The following BMP5 variants were observed in gnomAD, a reference collection of about 807,000 sequenced individuals.
The protein encoded by BMP5 is bone morphogenetic protein 5.
Under a neutral mutation model 46.6 loss-of-function variants are expected in BMP5, and 23 were observed. The observed-to-expected ratio is 0.49, with a 90% CI of 0.35 to 0.70. The LOEUF (loss-of-function observed/expected upper bound fraction) is 0.70. Ranked by LOEUF, BMP5 falls within the 30% of genes least tolerant of loss-of-function variation. The pLI is 0.00. For synonymous variants in BMP5, 204 were observed against 191.9 expected, an observed-to-expected ratio of 1.06 and a Z score of -0.52; for missense variants, 545 against 565.6, an observed-to-expected ratio of 0.96 and a Z score of 0.37.
At chr6:55,870,413 T>G (rs1312167740) in intron 1 of BMP5, among the ~76,000 whole-genome samples, 2 of 152,090 alleles carry the variant, frequency 1.3e-5, no homozygotes, top group Non-Finnish European at 2.9e-5. Context: ...AGTTAAAACT[T>G]TTACAGAATG....
At position 55,803,284 on chromosome 6, in the gene BMP5, G is replaced by A. The variant is rs555062444; in HGVS notation, c.684-8857C>T. On this transcript the variant is annotated intron_variant, in intron 2 of 6. Coordinates refer to ENST00000370830, the MANE Select transcript of BMP5 (RefSeq NM_021073.4). ...GCACTCCAGCCTATGTGACAAGAGC[G>A]AAGCTCTGCCTCAAACAAAACAAAA... 8.6e-5 allele frequency among the ~76,000 whole-genome samples: 13 copies of A among 151,712 alleles called. No individual in the cohort carries two copies. The South Asian group carries it at 1.3e-3, about 15-fold the overall frequency.
rs1396089139 is a variant in BMP5 at position 55,774,139 on chromosome 6, G to A, written c.937C>T (p.Arg313Ter). The A allele has an allele frequency of 4.3e-6, 7 of 1,613,032 alleles. No homozygotes were observed. Among genetic ancestry groups the A allele is most frequent in the African/African-American group, 1.3e-5 (1 of 74,900 alleles). ...CGTTTGTTGGCTGCTCTCACGGATC[G>A]AAGAAGTACCTCACTCGCCTTGAAG... The part of the protein sequence containing the change: ...AFFKASEVLL[R>*]SVRAANKRKN... The change falls in exon 4 of 7, where the codon CGA (arginine) becomes TGA (stop). Residue 313 changes from arginine (R) to a stop codon, truncating the protein, a stop_gained. Coordinates refer to ENST00000370830, the MANE Select transcript of BMP5 (RefSeq NM_021073.4). LOFTEE classifies it high-confidence loss of function.
At chr6:55,862,732 G>A (rs1364042898) in intron 1 of BMP5, among the ~76,000 whole-genome samples, 3 of 152,070 alleles carry the variant, frequency 2.0e-5, no homozygotes, top group African/African-American at 7.2e-5. Flanking sequence ...ATATTTCCTT[G>A]AAAGTCACTG....
chr6:55,817,294 T>C (rs546406855), intron 2 of BMP5, among the ~76,000 whole-genome samples: 1 of 152,332 alleles, frequency 6.6e-6, no homozygotes, highest in African/African-American at 2.4e-5. Flanking sequence ...TAAAGACACA[T>C]GCACATGTAT....
chr6:55,868,324 T>C (rs1016871769), intron 1 of BMP5, among the ~76,000 whole-genome samples: 5 of 152,166 alleles, frequency 3.3e-5, no homozygotes, highest in Admixed American at 2.0e-4. Context: ...ACAAACACAA[T>C]ATTGAAGACA....
At chr6:55,787,049 T>C (rs562480806) in intron 3 of BMP5, among the ~76,000 whole-genome samples, 1 of 151,486 alleles carries the variant, frequency 6.6e-6, no homozygotes, top group Non-Finnish European at 1.5e-5. Context: ...AAAAGAAAAA[T>C]ATCACCCTTG....
chr6:55,785,502 CATT>C (rs1234087762), intron 3 of BMP5, among the ~76,000 whole-genome samples: 1 of 151,760 alleles, frequency 6.6e-6, no homozygotes, highest in Non-Finnish European at 1.5e-5. Context: ...TGCTTTAAGA[CATT>C]ACGCGAGTTA....
At chr6:55,811,638 C>T (rs1199512254) in intron 2 of BMP5, among the ~76,000 whole-genome samples, 2 of 150,792 alleles carry the variant, frequency 1.3e-5, no homozygotes, top group African/African-American at 4.9e-5. Flanking sequence ...ACACCTCTGC[C>T]CTCTCTCTCT....
At chr6:55,841,622 G>T (rs1168977854) in intron 1 of BMP5, among the ~76,000 whole-genome samples, 1 of 152,066 alleles carries the variant, frequency 6.6e-6, no homozygotes, top group Non-Finnish European at 1.5e-5. Flanking sequence ...TTGTTTGTTT[G>T]TTTGTAGTCC....
intron 6 of BMP5, among the ~76,000 whole-genome samples, chr6:55,756,135 T>C (rs1196310335): frequency 6.6e-6 from 1 of 151,984 alleles, no homozygotes; most frequent in Non-Finnish European, 1.5e-5. Context: ...CAATAAATCA[T>C]ACATTTTAAG....
chr6:55,853,213 AAAAT>A, intron 1 of BMP5, among the ~76,000 whole-genome samples: 1 of 105,406 alleles, frequency 9.5e-6, no homozygotes, highest in Non-Finnish European at 2.1e-5. Flanking sequence ...AAAATAAAAT[AAAAT>A]AAGATAAAAT....
At chr6:55,812,400 C>A (rs983780398) in intron 2 of BMP5, among the ~76,000 whole-genome samples, 1 of 151,976 alleles carries the variant, frequency 6.6e-6, no homozygotes, top group African/African-American at 2.4e-5. Flanking sequence ...ATGGATCTAC[C>A]ATATTTTAAA....
Position 55,755,686 on chromosome 6 carries a change from G to A in BMP5, c.1216-4C>T. ...GGTCAGGAAACATCAGATGAACCTGGGAAAGAAAAAAGGTTTTGTTTTATT... is the reference window on the plus strand; with the variant it reads ...GGTCAGGAAACATCAGATGAACCTGAGAAAGAAAAAAGGTTTTGTTTTATT... On this transcript the variant is annotated splice_region_variant and splice_polypyrimidine_tract_variant and intron_variant, in intron 6 of 6. Transcript: ENST00000370830. 1.2e-6 allele frequency: 2 copies of A among 1,610,164 alleles called. No homozygotes were observed. The highest frequency in any genetic ancestry group is 1.7e-6 in the Non-Finnish European group (2 of 1,177,724).
At chr6:55,856,436 T>C (rs563770190) in intron 1 of BMP5, among the ~76,000 whole-genome samples, 1 of 152,320 alleles carries the variant, frequency 6.6e-6, no homozygotes, top group Non-Finnish European at 1.5e-5. Flanking sequence ...AGTTTAATGT[T>C]ATCAAAAAAT....
chr6:55,778,599 T>A (rs12192570), intron 3 of BMP5, among the ~76,000 whole-genome samples: 4,290 of 152,122 alleles, frequency 0.028, 87 homozygotes, highest in Middle Eastern at 0.072. Flanking sequence ...TGAAAAGTTT[T>A]TTAAGAAATA....
At chr6:55,850,401 G>T (rs62404980) in intron 1 of BMP5, among the ~76,000 whole-genome samples, 19 of 151,000 alleles carry the variant, frequency 1.3e-4, no homozygotes, top group South Asian at 1.3e-3. Flanking sequence ...TAGATCGATA[G>T]ATATAGATAG....
chr6:55,839,064 G>T (rs1265316013), intron 1 of BMP5, among the ~76,000 whole-genome samples: 1 of 151,822 alleles, frequency 6.6e-6, no homozygotes, highest in African/African-American at 2.4e-5. Flanking sequence ...CATGTTCTCA[G>T]GTCTATCAAT....
At chr6:55,809,387 G>T (rs886445567) in intron 2 of BMP5, among the ~76,000 whole-genome samples, 24 of 151,974 alleles carry the variant, frequency 1.6e-4, no homozygotes, top group Non-Finnish European at 3.1e-4. Flanking sequence ...TTTGGAAATA[G>T]AAATTTATTC....
chr6:55,776,793 C>T (rs1046409606), intron 3 of BMP5, among the ~76,000 whole-genome samples: 1 of 151,886 alleles, frequency 6.6e-6, no homozygotes, highest in Non-Finnish European at 1.5e-5. Context: ...ACAAGAAGTT[C>T]CAAGTTTCCT....
Sources: gnomAD v4.1 joint callset for allele counts (sites outside exome capture counted in the v4.1 genomes callset) on GRCh38, gnomAD v4.1.1 for gene constraint, MANE v1.5 for transcripts, NCBI Gene and HGNC (gene_info 2026-07-23, HGNC 2026-07-21) for gene names.